Variants in SMYD3 observed in about 807,000 individuals in gnomAD.
SMYD3 encodes histone-lysine N-methyltransferase SMYD3.
A neutral mutation model predicts 57.7 loss-of-function variants in SMYD3; 36 were observed. The observed-to-expected ratio is 0.62, with a 90% confidence interval of 0.48 to 0.82. SMYD3 has a LOEUF of 0.82. Ranked by LOEUF, SMYD3 falls within the 40% of genes least tolerant of loss-of-function variation. The pLI is 0.00. For synonymous variants in SMYD3, 211 were observed against 195.0 expected (o/e 1.08, Z -0.68); for missense variants, 515 against 538.8 (o/e 0.96, Z 0.44).
chr1:245,818,505 G>C (rs1342527441), intron 10 of SMYD3, among the ~76,000 whole-genome samples: 2 of 152,054 alleles, frequency 1.3e-5, no homozygotes, highest in Non-Finnish European at 2.9e-5. Flanking sequence ...AAAATAACCA[G>C]CTAACATCAT....
At chr1:245,797,556 A>G (rs2047587572) in intron 10 of SMYD3, among the ~76,000 whole-genome samples, 1 of 151,260 alleles carries the variant, frequency 6.6e-6, no homozygotes, top group African/African-American at 2.4e-5. Flanking sequence ...GGATAGCATT[A>G]GGAGATATAC....
intron 5 of SMYD3, among the ~76,000 whole-genome samples, chr1:246,222,596 T>C (rs12409148): frequency 0.18 from 27,010 of 152,130 alleles, 2,781 homozygotes; most frequent in East Asian, 0.34. Flanking sequence ...TTCATGAATA[T>C]ATCCTTCCTT....
chr1:246,087,518 A>C (rs551834477), intron 5 of SMYD3, among the ~76,000 whole-genome samples: 2 of 152,334 alleles, frequency 1.3e-5, no homozygotes, highest in Admixed American at 6.5e-5. Context: ...AAGGAAAAAA[A>C]ATCTCAGAGG....
At chr1:245,970,881 C>T (rs2058282205) in intron 5 of SMYD3, among the ~76,000 whole-genome samples, 1 of 152,162 alleles carries the variant, frequency 6.6e-6, no homozygotes, top group South Asian at 2.1e-4. Flanking sequence ...TTGTGGAAGA[C>T]AGTGTGGTGA....
chr1:246,188,013 C>T (rs994483136), intron 5 of SMYD3, among the ~76,000 whole-genome samples: 1 of 151,826 alleles, frequency 6.6e-6, no homozygotes, highest in East Asian at 1.9e-4. Flanking sequence ...AGTTGTAAAG[C>T]TCGAACTTGT....
intron 5 of SMYD3, among the ~76,000 whole-genome samples, chr1:246,194,146 A>G (rs1471805202): frequency 8.5e-5 from 13 of 152,246 alleles, no homozygotes. Context: ...AAGTTAAAAC[A>G]AAAGATTTAT....
intron 1 of SMYD3, among the ~76,000 whole-genome samples, chr1:246,366,696 C>A (rs1008163967): frequency 5.3e-5 from 8 of 151,928 alleles, no homozygotes; most frequent in Non-Finnish European, 4.4e-5. Flanking sequence ...GTAATCCCAG[C>A]ACTTTGAGGT....
At chr1:246,180,174 T>C (rs2062512836) in intron 5 of SMYD3, among the ~76,000 whole-genome samples, 1 of 148,264 alleles carries the variant, frequency 6.7e-6, no homozygotes, top group Non-Finnish European at 1.5e-5. Context: ...TTAGAAAATA[T>C]ATATCTACAT....
At chr1:246,395,092 A>G (rs1272515335) in intron 1 of SMYD3, among the ~76,000 whole-genome samples, 1 of 152,208 alleles carries the variant, frequency 6.6e-6, no homozygotes, top group Non-Finnish European at 1.5e-5. Context: ...ATGCTTTATG[A>G]TATAAGAGAG....
At chr1:245,999,874 ACTT>A (rs2059006149) in intron 5 of SMYD3, among the ~76,000 whole-genome samples, 1 of 152,186 alleles carries the variant, frequency 6.6e-6, no homozygotes, top group Non-Finnish European at 1.5e-5. Context: ...TGGCTCAATG[ACTT>A]ACTTTGCTTA....
chr1:246,451,915 A>C (rs2067639151), intron 1 of SMYD3, among the ~76,000 whole-genome samples: 1 of 152,190 alleles, frequency 6.6e-6, no homozygotes, highest in Non-Finnish European at 1.5e-5. Flanking sequence ...TGCCTACATA[A>C]ATGCTCAATA....
intron 5 of SMYD3, among the ~76,000 whole-genome samples, chr1:246,057,260 T>C (rs767784712): frequency 7.2e-5 from 11 of 152,226 alleles, no homozygotes; most frequent in African/African-American, 2.2e-4. Context: ...CTCTTCCATA[T>C]AGTCTACCTA....
At chr1:246,115,675 A>AGAT (rs1158390378) in intron 5 of SMYD3, among the ~76,000 whole-genome samples, 1 of 152,240 alleles carries the variant, frequency 6.6e-6, no homozygotes, top group East Asian at 1.9e-4. Flanking sequence ...CCAGTGTCAT[A>AGAT]GATGAGGTCA....
chr1:245,760,011 T>A, intron 11 of SMYD3, among the ~76,000 whole-genome samples: 1 of 152,130 alleles, frequency 6.6e-6, no homozygotes, highest in East Asian at 1.9e-4. Context: ...AAAAGTAGAT[T>A]AGTGACAGGA....
intron 5 of SMYD3, among the ~76,000 whole-genome samples, chr1:245,991,177 C>G (rs1295810236): frequency 6.6e-6 from 1 of 152,168 alleles, no homozygotes; most frequent in Non-Finnish European, 1.5e-5. Flanking sequence ...TTCATTAATT[C>G]AACACATAAT....
intron 1 of SMYD3, among the ~76,000 whole-genome samples, chr1:246,448,109 C>T (rs138491618): frequency 9.6e-4 from 146 of 152,214 alleles, no homozygotes; most frequent in African/African-American, 3.4e-3. Flanking sequence ...GCCAACTACT[C>T]GGGAGGCTGA....
intron 5 of SMYD3, among the ~76,000 whole-genome samples, chr1:246,296,193 A>T (rs543801184): frequency 3.3e-5 from 5 of 152,196 alleles, no homozygotes; most frequent in Non-Finnish European, 7.4e-5. Flanking sequence ...ACAACCACCG[A>T]AGCCTCAGTC....
rs1047144577 is a variant in SMYD3 at position 246,326,368 on chromosome 1, C to A, written c.531+833G>T. Reference sequence around the variant, plus strand: ...GTCATCCCTATCCCAGGGTAAATATCAAGAAGCAATCATTTCATGCCTATG... The same window carrying A: ...GTCATCCCTATCCCAGGGTAAATATAAAGAAGCAATCATTTCATGCCTATG... On this transcript the variant is annotated intron_variant, in intron 5 of 11. Coordinates refer to ENST00000490107, the MANE Select transcript of SMYD3 (RefSeq NM_001167740.2). 1.7e-5 allele frequency: 12 copies of A among 699,854 alleles called. No homozygotes were observed. The African/African-American group carries it at 2.0e-4, about 12-fold the overall frequency. The allele number at this position is 699,854 out of a possible 1,614,324, so 43.4% of individuals were successfully genotyped here.
At chr1:246,029,580 G>A (rs1324867381) in intron 5 of SMYD3, among the ~76,000 whole-genome samples, 2 of 150,918 alleles carry the variant, frequency 1.3e-5, no homozygotes, top group Non-Finnish European at 1.5e-5. Context: ...GCTGAAGCAG[G>A]AGAATTGCTT....
Sources: allele counts gnomAD v4.1 joint callset (sites outside exome capture counted in the v4.1 genomes callset), GRCh38; gene constraint gnomAD v4.1.1; transcripts MANE v1.5; gene names NCBI Gene and HGNC (gene_info 2026-07-23, HGNC 2026-07-21).